The following MACO1 variants were observed in gnomAD, a reference collection of about 807,000 sequenced individuals.
The protein encoded by MACO1 is macoilin.
In MACO1, 14 loss-of-function variants were observed where a neutral mutation model predicts 78.7. The observed-to-expected ratio is 0.18, with a 90% CI of 0.12 to 0.28. MACO1 has a LOEUF of 0.28. MACO1 is among the 10% of genes least tolerant of loss of function. MACO1 has a pLI of 1.00. For synonymous variants in MACO1, 288 were observed against 291.6 expected, an observed-to-expected ratio of 0.99 and a Z score of 0.12; for missense variants, 501 against 799.0, an observed-to-expected ratio of 0.63 and a Z score of 4.50.
chr1:25,483,379 T>C (rs551684283), intron 6 of MACO1, among the ~76,000 whole-genome samples: 2 of 152,226 alleles, frequency 1.3e-5, no homozygotes, highest in Non-Finnish European at 2.9e-5. Context: ...TTTTCAGCAC[T>C]ACATATGCAT....
rs2042981446 is a variant in MACO1, at chr1:25,442,503, G to A, written c.81-4259G>A. Among the ~76,000 whole-genome samples the A allele has an allele frequency of 1.3e-5, 2 of 152,146 alleles. 1 individual carries two copies. The highest frequency in any genetic ancestry group is 4.1e-4 in the South Asian group (2 of 4,830). Reference sequence around the variant, plus strand: ...AAAGGTCAGGTACTAAGGATTGATGGCCAGCTGGTGGTAATTGTGTGGGCT... The same window carrying A: ...AAAGGTCAGGTACTAAGGATTGATGACCAGCTGGTGGTAATTGTGTGGGCT... On this transcript the variant is annotated intron_variant, in intron 1 of 10. Transcript: ENST00000374343.
intron 6 of MACO1, among the ~76,000 whole-genome samples, chr1:25,463,481 T>C (rs939112617): frequency 1.3e-5 from 2 of 152,248 alleles, no homozygotes; most frequent in Non-Finnish European, 2.9e-5. Context: ...CAGCTTGATT[T>C]CTGAATTGTT....
In MACO1 at chr1:25,485,592, A is replaced by G. The variant is rs770502743; in HGVS notation, c.1314-21A>G. On this transcript the variant is annotated intron_variant, in intron 7 of 10. Coordinates refer to ENST00000374343, the MANE Select transcript of MACO1 (RefSeq NM_018202.6). This position sits in a 1 kb window ranked among gnomAD's most constrained non-coding sequence, Gnocchi z 4.3. Reference sequence around the variant, plus strand: ...GGCATTTGTAATTTTAAGACTTTATATGACAATCATTTCCATATAGGTTAC... The same window carrying G: ...GGCATTTGTAATTTTAAGACTTTATGTGACAATCATTTCCATATAGGTTAC... 8 of 1,602,218 alleles carry G rather than the reference A, an allele frequency of 5.0e-6. No individual in the cohort carries two copies. Among genetic ancestry groups the G allele is most frequent in the Admixed American group, 1.7e-5 (1 of 57,354 alleles).
intron 3 of MACO1, among the ~76,000 whole-genome samples, chr1:25,449,208 A>T (rs989723354): frequency 1.6e-4 from 25 of 152,060 alleles, no homozygotes; most frequent in African/African-American, 5.8e-4. Context: ...AAATAGTTGG[A>T]CTGATTTCTA....
intron 1 of MACO1, among the ~76,000 whole-genome samples, 198 bp downstream of exon 1, chr1:25,431,376 C>G (rs1231936524): frequency 1.4e-5 from 2 of 146,552 alleles, no homozygotes; most frequent in Non-Finnish European, 3.0e-5. Context: ...AGGGTCGGCC[C>G]GGCCGGGCGG....
chr1:25,463,700 G>A (rs1482357770), intron 6 of MACO1, among the ~76,000 whole-genome samples: 1 of 152,102 alleles, frequency 6.6e-6, no homozygotes, highest in African/African-American at 2.4e-5. Context: ...TTTTAAGTGT[G>A]AAAAAAATCA....
At chr1:25,469,711 A>T (rs1357127344) in intron 6 of MACO1, among the ~76,000 whole-genome samples, 1 of 140,886 alleles carries the variant, frequency 7.1e-6, no homozygotes, top group East Asian at 2.1e-4. Flanking sequence ...ATCTCGGCTC[A>T]CTGCAACCTC....
intron 1 of MACO1, among the ~76,000 whole-genome samples, chr1:25,435,564 C>A (rs949225642): frequency 6.6e-6 from 1 of 152,128 alleles, no homozygotes. Context: ...GTTTTAGACT[C>A]CTTTGGGCTA....
In MACO1 at chr1:25,485,532, G is replaced by A; in HGVS notation, c.1314-81G>A. 1.4e-6 allele frequency: 2 copies of A among 1,443,514 alleles called. No homozygotes were observed. The highest frequency in any genetic ancestry group is 1.9e-6 in the Non-Finnish European group (2 of 1,069,586). 89.4% of individuals were successfully genotyped at this position (1,443,514 alleles called of 1,614,324 possible). A position where few individuals can be genotyped will look rare whatever the true frequency, so the allele number is the denominator to read the frequency against. On this transcript the variant is annotated intron_variant, in intron 7 of 10. Transcript: ENST00000374343. The surrounding 1 kb of genome is among the most constrained non-coding windows in gnomAD (Gnocchi z 4.3). ...AAACCTCCTGTTTAATTGGCCTTAA[G>A]GTGATAAAGAGATGTTTCTCAAGGG...
At chr1:25,457,916 C>T (rs998427113) in intron 5 of MACO1, among the ~76,000 whole-genome samples, 1 of 152,148 alleles carries the variant, frequency 6.6e-6, no homozygotes, top group Non-Finnish European at 1.5e-5. Context: ...GATAGATGTC[C>T]TGTATCCTAA....
At chr1:25,467,733 T>C (rs1019618796) in intron 6 of MACO1, among the ~76,000 whole-genome samples, 5 of 38,896 alleles carry the variant, frequency 1.3e-4, no homozygotes, top group African/African-American at 4.8e-4. Context: ...GAATGATGAT[T>C]TTTTTTTTTT....
intron 9 of MACO1, among the ~76,000 whole-genome samples, chr1:25,490,420 A>G (rs1280480948): frequency 6.6e-6 from 1 of 152,214 alleles, no homozygotes; most frequent in Admixed American, 6.5e-5. Context: ...TTTTTCTCCT[A>G]TGAAATTAGC....
chr1:25,456,716 G>A lies in MACO1; in HGVS notation c.537G>A (p.Arg179=), dbSNP rs369861210. The A allele has an allele frequency of 1.2e-5, 20 of 1,613,936 alleles. No homozygotes were observed. In the African/African-American group the frequency reaches 1.7e-4, roughly 14 times the overall value. The part of the protein sequence containing the change: ...GFKSYVSYKM[R]LRKQKEVQKE... ...AAAGTTACGTAAGCTACAAAATGCG[G>A]TTAAGGAAGCAAAAAGAAGTACAAA... Residue 179 remains arginine, a synonymous_variant, in exon 5 of 11, where the codon CGG becomes CGA. Coordinates refer to ENST00000374343, the MANE Select transcript of MACO1 (RefSeq NM_018202.6).
chr1:25,488,389 A>T (rs2124610592), intron 8 of MACO1, among the ~76,000 whole-genome samples: 1 of 152,338 alleles, frequency 6.6e-6, no homozygotes, highest in South Asian at 2.1e-4. Context: ...CAAAGGACAC[A>T]GAGAACTGAG....
intron 4 of MACO1, among the ~76,000 whole-genome samples, chr1:25,455,426 A>G (rs1374083066): frequency 6.6e-6 from 1 of 152,218 alleles, no homozygotes; most frequent in Non-Finnish European, 1.5e-5. Context: ...CTAAAAAAAT[A>G]CTGTTTCCAG....
intron 1 of MACO1, among the ~76,000 whole-genome samples, chr1:25,438,310 A>T (rs988978084): frequency 2.6e-4 from 39 of 152,264 alleles, no homozygotes; most frequent in African/African-American, 8.0e-4. Flanking sequence ...TAAGGGAATC[A>T]AAATTATGCT....
intron 10 of MACO1, among the ~76,000 whole-genome samples, chr1:25,492,793 A>G (rs1303758718): frequency 6.6e-6 from 1 of 152,188 alleles, no homozygotes; most frequent in Non-Finnish European, 1.5e-5. Context: ...GTACTGAAAA[A>G]ATAGAGTACT....
chr1:25,432,718 G>A (rs896749823), intron 1 of MACO1, among the ~76,000 whole-genome samples: 1 of 152,206 alleles, frequency 6.6e-6, no homozygotes, highest in Non-Finnish European at 1.5e-5. Flanking sequence ...CATAAAAATA[G>A]GAAAGGGATA....
At chr1:25,440,898 G>A (rs12760765) in intron 1 of MACO1, among the ~76,000 whole-genome samples, 15 of 152,240 alleles carry the variant, frequency 9.9e-5, no homozygotes, top group Admixed American at 2.6e-4. Context: ...CACCGCTGTC[G>A]TCAGAGCCAG....
Sources: allele counts gnomAD v4.1 joint callset (sites outside exome capture counted in the v4.1 genomes callset), GRCh38; gene constraint gnomAD v4.1.1; non-coding constraint Gnocchi (gnomAD v3.1); transcripts MANE v1.5; gene names NCBI Gene and HGNC (gene_info 2026-07-23, HGNC 2026-07-21).